Variants in PDE1C observed in about 807,000 individuals in gnomAD.
PDE1C encodes the protein dual specificity calcium/calmodulin-dependent 3',5'-cyclic nucleotide phosphodiesterase 1C.
Under a neutral mutation model 93.1 loss-of-function variants are expected in PDE1C, and 62 were observed. The observed-to-expected ratio is 0.67, with a 90% CI of 0.54 to 0.82. The LOEUF is 0.82. Among genes scored for constraint, PDE1C ranks in the 40% least tolerant of loss-of-function variants. The pLI is 0.00. For synonymous variants in PDE1C, 325 were observed against 310.1 expected (o/e 1.05, Z -0.50); for missense variants, 742 against 884.6 (o/e 0.84, Z 2.04).
intron 16 of PDE1C, chr7:31,785,835 A>G (rs981833358): frequency 4.6e-5 from 7 of 152,250 alleles, no homozygotes. Context: ...AACCTTAAAA[A>G]GTAAAATCTG....
chr7:32,075,054 C>G (rs760334732), upstream of PDE1C, among the ~76,000 whole-genome samples: 20 of 152,144 alleles, frequency 1.3e-4, no homozygotes, highest in Non-Finnish European at 2.6e-4. Flanking sequence ...GCACAGAGGT[C>G]AGCTCTCCAG....
At chr7:32,065,365 A>G (rs994602631) in intron 1 of PDE1C, among the ~76,000 whole-genome samples, 3 of 152,202 alleles carry the variant, frequency 2.0e-5, no homozygotes, top group African/African-American at 7.2e-5. Flanking sequence ...GCTGACATCA[A>G]TGAAAAGAGT....
chr7:31,667,669 G>A, the PDE1C span, among the ~76,000 whole-genome samples: 1 of 151,902 alleles, frequency 6.6e-6, no homozygotes, highest in Admixed American at 6.6e-5. Flanking sequence ...AAATAATGGT[G>A]AAGTGCTTTT....
intron 2 of PDE1C, among the ~76,000 whole-genome samples, chr7:32,021,227 G>C (rs955877751): frequency 6.6e-6 from 1 of 152,064 alleles, no homozygotes; most frequent in Non-Finnish European, 1.5e-5. Flanking sequence ...CACATCCATA[G>C]TTGCAGATGC....
chr7:31,986,819 C>T (rs904169910), intron 2 of PDE1C, among the ~76,000 whole-genome samples: 3 of 152,084 alleles, frequency 2.0e-5, no homozygotes, highest in African/African-American at 7.2e-5. Context: ...TGTTTTAAGC[C>T]ACCTGGTTTG....
rs3079597 is a variant in PDE1C at position 32,179,265 on chromosome 7, C to CTTT, written c.137-9312_137-9310dup. Among the ~76,000 whole-genome samples the CTTT allele has an allele frequency of 3.5e-3, 456 of 131,340 alleles. 5 individuals carry two copies. The highest frequency in any genetic ancestry group is 0.012 in the African/African-American group (425 of 35,080). The allele number at this position is 131,340 out of a possible 152,430, so 86.2% of individuals were successfully genotyped here. On this transcript the variant is annotated intron_variant, in intron 2 of 18. Coordinates refer to the PDE1C transcript ENST00000396193. ...CAACTAGGAAGAGTCCTGACTTAGT[C>CTTT]TTTTTTTTTTTTTTTTTGGAGTCTC...
At chr7:31,913,348 C>G (rs367894529) in intron 2 of PDE1C, among the ~76,000 whole-genome samples, 1 of 151,662 alleles carries the variant, frequency 6.6e-6, no homozygotes, top group Non-Finnish European at 1.5e-5. Context: ...CACCAAGATA[C>G]GAGTTAATGC....
chr7:32,051,522 C>T, intron 2 of PDE1C, 32 bp downstream of exon 2: 1 of 1,610,464 alleles, frequency 6.2e-7, no homozygotes, highest in East Asian at 2.2e-5. Context: ...ACAAATGAAT[C>T]AACCAGTTGC....
At chr7:32,204,088 T>C (rs902410422) in intron 2 of PDE1C, among the ~76,000 whole-genome samples, 20 of 152,136 alleles carry the variant, frequency 1.3e-4, no homozygotes, top group African/African-American at 4.8e-4. Flanking sequence ...TAAGGGTGAT[T>C]TGAACACAAG....
At chr7:32,411,044 T>C (rs1156753489) in intron 1 of PDE1C, among the ~76,000 whole-genome samples, 2 of 152,192 alleles carry the variant, frequency 1.3e-5, no homozygotes, top group African/African-American at 4.8e-5. Context: ...CCCGAGTGTA[T>C]ACAGGAAGTT....
chr7:31,817,408 A>C (rs12701138), intron 14 of PDE1C, among the ~76,000 whole-genome samples: 32,256 of 152,140 alleles, frequency 0.21, 3,569 homozygotes, highest in Middle Eastern at 0.35. Context: ...GTGATAGATG[A>C]CGTGGTCAAA....
chr7:31,970,381 C>T (rs1468418413), intron 2 of PDE1C, among the ~76,000 whole-genome samples: 1 of 152,136 alleles, frequency 6.6e-6, no homozygotes, highest in Non-Finnish European at 1.5e-5. Flanking sequence ...ACCAACAATA[C>T]AGAAAAGTCT....
At chr7:32,124,940 C>G (rs570303502) in intron 3 of PDE1C, among the ~76,000 whole-genome samples, 8 of 152,262 alleles carry the variant, frequency 5.3e-5, no homozygotes, top group Non-Finnish European at 7.4e-5. Context: ...AGGCAACCTA[C>G]AGAATGGGAG....
chr7:32,372,480 A>C (rs1784351299), intron 1 of PDE1C, among the ~76,000 whole-genome samples: 1 of 152,208 alleles, frequency 6.6e-6, no homozygotes, highest in African/African-American at 2.4e-5. Context: ...CAATACACGA[A>C]ATTAACTCAA....
intron 9 of PDE1C, among the ~76,000 whole-genome samples, chr7:31,845,807 A>G (rs1273811682): frequency 6.6e-6 from 1 of 152,136 alleles, no homozygotes; most frequent in Non-Finnish European, 1.5e-5. Context: ...CCTGACCAAA[A>G]TGGTGAAACA....
At chr7:31,628,582 C>A in the PDE1C span, among the ~76,000 whole-genome samples, 16 of 151,994 alleles carry the variant, frequency 1.1e-4, no homozygotes, top group Non-Finnish European at 2.9e-5. Context: ...CTCAGCCTCC[C>A]CAGCAGCTGG....
At chr7:32,009,938 T>C (rs1319096751) in intron 2 of PDE1C, among the ~76,000 whole-genome samples, 2 of 152,172 alleles carry the variant, frequency 1.3e-5, no homozygotes, top group Non-Finnish European at 2.9e-5. Flanking sequence ...TATAGTCATA[T>C]AAAAAATCTG....
chr7:31,846,740 C>A (rs948199603), intron 9 of PDE1C, among the ~76,000 whole-genome samples: 1 of 152,078 alleles, frequency 6.6e-6, no homozygotes, highest in Non-Finnish European at 1.5e-5. Flanking sequence ...TTTATTATAA[C>A]TTTTACCAAT....
the PDE1C span, among the ~76,000 whole-genome samples, chr7:31,662,955 C>A: frequency 5.3e-5 from 8 of 152,164 alleles, no homozygotes; most frequent in Non-Finnish European, 1.0e-4. Context: ...TTACTGCATG[C>A]AGGATGTAGT....
Sources: allele counts gnomAD v4.1 joint callset (sites outside exome capture counted in the v4.1 genomes callset), GRCh38; gene constraint gnomAD v4.1.1; transcripts MANE v1.5; gene names NCBI Gene and HGNC (gene_info 2026-07-23, HGNC 2026-07-21).